The following CHSY3 variants were observed in gnomAD, a reference collection of about 807,000 sequenced individuals.
CHSY3 encodes N-acetylgalactosaminyl-proteoglycan 3-beta-glucuronosyltransferase 3.
CHSY3 carries 35 observed loss-of-function variants against 67.2 expected under a neutral mutation model. The observed-to-expected ratio is 0.52, with a 90% CI of 0.40 to 0.69. CHSY3 has a LOEUF of 0.69. Among genes scored for constraint, CHSY3 ranks in the 30% least tolerant of loss-of-function variants. CHSY3 has a pLI of 0.00. For synonymous variants in CHSY3, 474 were observed against 434.7 expected (o/e 1.09, Z -1.12); for missense variants, 1,069 against 1,138.5 (o/e 0.94, Z 0.88).
intron 2 of CHSY3, among the ~76,000 whole-genome samples, chr5:129,953,200 A>T (rs543743203): frequency 6.6e-6 from 1 of 151,542 alleles, no homozygotes; most frequent in Non-Finnish European, 1.5e-5. Context: ...TTATTGTTCA[A>T]CTCCCACTAA....
chr5:130,112,435 G>A (rs908238132), intron 2 of CHSY3, among the ~76,000 whole-genome samples: 12 of 152,010 alleles, frequency 7.9e-5, no homozygotes, highest in Non-Finnish European at 1.2e-4. Flanking sequence ...AGTCTGGCCC[G>A]AGAATTTGCA....
At chr5:130,049,756 A>G (rs940146433) in intron 2 of CHSY3, among the ~76,000 whole-genome samples, 9 of 133,112 alleles carry the variant, frequency 6.8e-5, no homozygotes, top group South Asian at 2.6e-4. Context: ...AACGTTCCCT[A>G]TATATCTCCC....
At chr5:130,139,024 C>A (rs984119332) in intron 2 of CHSY3, among the ~76,000 whole-genome samples, 3 of 152,078 alleles carry the variant, frequency 2.0e-5, no homozygotes, top group Admixed American at 1.3e-4. Flanking sequence ...GCCTATTGCT[C>A]CTAGGGCTAT....
At chr5:130,047,698 G>T (rs1357259209) in intron 2 of CHSY3, among the ~76,000 whole-genome samples, 1 of 151,958 alleles carries the variant, frequency 6.6e-6, no homozygotes. Flanking sequence ...TAATGCCAAA[G>T]CAAGAATAAT....
At chr5:130,114,864 C>T (rs1453425251) in intron 2 of CHSY3, among the ~76,000 whole-genome samples, 1 of 152,062 alleles carries the variant, frequency 6.6e-6, no homozygotes, top group Non-Finnish European at 1.5e-5. Flanking sequence ...GTTTCTGTTC[C>T]TATCTGTTGC....
At chr5:130,147,325 A>G (rs751291202) in intron 2 of CHSY3, among the ~76,000 whole-genome samples, 2 of 152,216 alleles carry the variant, frequency 1.3e-5, no homozygotes, top group African/African-American at 4.8e-5. Flanking sequence ...TGATTGTATC[A>G]ACTGAGCTTT....
intron 1 of CHSY3, 54 bp from the exon 2 acceptor site, chr5:129,908,020 CATG>C: frequency 6.4e-7 from 1 of 1,568,952 alleles, no homozygotes; most frequent in Admixed American, 1.8e-5. Flanking sequence ...TTACCTTGTA[CATG>C]ATAAGTGATT....
intron 2 of CHSY3, among the ~76,000 whole-genome samples, chr5:130,153,319 A>C (rs898676643): frequency 2.0e-5 from 3 of 152,012 alleles, no homozygotes; most frequent in African/African-American, 7.2e-5. Context: ...AACATACGAC[A>C]TAATTCACCA....
chr5:130,098,945 C>G (rs929644781), intron 2 of CHSY3, among the ~76,000 whole-genome samples: 4 of 151,996 alleles, frequency 2.6e-5, no homozygotes, highest in African/African-American at 9.7e-5. Context: ...TAAAAAATGC[C>G]TTTACATTAA....
At chr5:129,977,449 C>A (rs1762845228) in intron 2 of CHSY3, among the ~76,000 whole-genome samples, 1 of 152,140 alleles carries the variant, frequency 6.6e-6, no homozygotes, top group Non-Finnish European at 1.5e-5. Flanking sequence ...GTCTTTTGTA[C>A]ACATAATATA....
upstream of CHSY3, among the ~76,000 whole-genome samples, chr5:129,904,279 C>T (rs1274522328): frequency 7.3e-6 from 1 of 137,404 alleles, no homozygotes; most frequent in East Asian, 2.1e-4. Context: ...GACTGAGGCG[C>T]GGACGGGGGG....
At chr5:130,050,061 A>G (rs1719354671) in intron 2 of CHSY3, among the ~76,000 whole-genome samples, 1 of 152,104 alleles carries the variant, frequency 6.6e-6, no homozygotes, top group Non-Finnish European at 1.5e-5. Context: ...TATCTCTTTA[A>G]TATTTGAACA....
At chr5:129,969,693 C>T (rs142354258) in intron 2 of CHSY3, among the ~76,000 whole-genome samples, 3 of 151,854 alleles carry the variant, frequency 2.0e-5, no homozygotes, top group Admixed American at 2.0e-4. Flanking sequence ...AGAAAAAATA[C>T]TTTTCTCCCC....
chr5:130,039,380 G>A (rs561052273), intron 2 of CHSY3, among the ~76,000 whole-genome samples: 9 of 134,198 alleles, frequency 6.7e-5, no homozygotes, highest in East Asian at 2.8e-4. Flanking sequence ...TAGTCCTAGC[G>A]ACTTGGGTGG....
At chr5:130,035,615 G>A (rs1196037245) in intron 2 of CHSY3, among the ~76,000 whole-genome samples, 2 of 152,142 alleles carry the variant, frequency 1.3e-5, no homozygotes, top group Admixed American at 1.3e-4. Context: ...AAGCAGAAAT[G>A]AGCCAACCTC....
At chr5:129,947,533 G>C (rs1427725701) in intron 2 of CHSY3, among the ~76,000 whole-genome samples, 1 of 151,562 alleles carries the variant, frequency 6.6e-6, no homozygotes, top group Admixed American at 6.6e-5. Flanking sequence ...TGAGACATAA[G>C]AATCACTTGA....
At chr5:130,061,021 C>A (rs1013966945) in intron 2 of CHSY3, among the ~76,000 whole-genome samples, 1 of 151,948 alleles carries the variant, frequency 6.6e-6, no homozygotes, top group Non-Finnish European at 1.5e-5. Flanking sequence ...TGAAATCCCT[C>A]TAAAATTTCA....
chr5:129,953,983 A>G (rs1296625205), intron 2 of CHSY3, among the ~76,000 whole-genome samples: 2 of 152,110 alleles, frequency 1.3e-5, no homozygotes, highest in African/African-American at 4.8e-5. Flanking sequence ...CTTTAGTTTA[A>G]TTAGATCTGA....
At chr5:130,102,528 C>T (rs544872019) in intron 2 of CHSY3, among the ~76,000 whole-genome samples, 18 of 151,850 alleles carry the variant, frequency 1.2e-4, no homozygotes, top group Admixed American at 8.5e-4. Flanking sequence ...TATTTCTGGT[C>T]GTTTTTAGCA....
Sources: allele counts gnomAD v4.1 joint callset (sites outside exome capture counted in the v4.1 genomes callset), GRCh38; gene constraint gnomAD v4.1.1; transcripts MANE v1.5; gene names NCBI Gene and HGNC (gene_info 2026-07-23, HGNC 2026-07-21).